MCAT: variants seen among roughly 807,000 people sequenced by gnomAD.
The protein encoded by MCAT is malonyl-CoA-acyl carrier protein transacylase, also known as malonyl-CoA-acyl carrier protein transacylase, mitochondrial.
Under a neutral mutation model 22.9 loss-of-function variants are expected in MCAT, and 22 were observed. The ratio of observed to expected loss-of-function variants is 0.96; its 90% CI spans 0.69 to 1.37. The LOEUF (loss-of-function observed/expected upper bound fraction) is 1.37. Among genes scored for constraint, MCAT ranks in the 40% most tolerant of loss-of-function variants. The pLI, the probability that MCAT is intolerant of heterozygous loss-of-function variation, is 0.00. For missense variants in MCAT, 534 were observed against 533.6 expected (o/e 1.00, Z -0.01); for synonymous variants, 240 against 233.9 (o/e 1.03, Z -0.24).
chr22:43,132,752 A>C lies in MCAT; in HGVS notation c.*291T>G. ...TCCCGCTGAGATGGCACACCTGCCT[A>C]TGGTGCAGGGCTGGCAGAGGCGGGG... On this transcript the variant is annotated 3_prime_UTR_variant, in exon 4 of 4. Coordinates refer to ENST00000290429, the MANE Select transcript of MCAT (RefSeq NM_173467.5). 2.5e-6 allele frequency: 1 copy of C among 398,514 alleles called. No individual in the cohort carries two copies. Among genetic ancestry groups the C allele is most frequent in the Non-Finnish European group, 4.6e-6 (1 of 216,156 alleles). 24.7% of individuals were successfully genotyped at this position (398,514 alleles called of 1,614,324 possible).
intron 2 of MCAT, chr22:43,140,933 T>C: frequency 1.8e-6 from 1 of 561,448 alleles, no homozygotes; most frequent in Non-Finnish European, 3.2e-6. Flanking sequence ...GGTTAGACAG[T>C]TCAGCAAGCA....
In MCAT at chr22:43,133,077, T is replaced by G. The variant is rs1930493857; in HGVS notation, c.1139A>C (p.His380Pro). Reference protein sequence around the residue: ...SAVDVLQTLEHVDLDPQEPPR With the variant: ...SAVDVLQTLEPVDLDPQEPPR ...GGGCTCCTGAGGGTCCAGGTCCACA[T>G]GTTCGAGGGTCTGCAGCACATCCAC... Residue 380 changes from histidine (H) to proline (P), a missense_variant, in exon 4 of 4, where the codon CAT becomes CCT. His to Pro is a moderately conservative substitution (Grantham distance 77). Coordinates refer to ENST00000290429, the MANE Select transcript of MCAT (RefSeq NM_173467.5). 1.2e-6 allele frequency: 2 copies of G among 1,613,928 alleles called. No homozygotes were observed.
intron 3 of MCAT, among the ~76,000 whole-genome samples, chr22:43,135,517 A>C (rs551649803): frequency 0.013 from 2,009 of 150,650 alleles, 65 homozygotes; most frequent in African/African-American, 0.048. Context: ...AAACAAAAAA[A>C]AAAAAAAAAA....
intron 3 of MCAT, among the ~76,000 whole-genome samples, chr22:43,136,241 C>G (rs1930606825): frequency 6.6e-6 from 1 of 152,202 alleles, no homozygotes. Flanking sequence ...GAGACCCTGT[C>G]TCAAACAAAC....
At chr22:43,136,416 G>T (rs1347971553) in intron 3 of MCAT, among the ~76,000 whole-genome samples, 1 of 152,214 alleles carries the variant, frequency 6.6e-6, no homozygotes, top group Non-Finnish European at 1.5e-5. Context: ...TGCTCTTTCT[G>T]TAGGGGGCTC....
chr22:43,139,679 G>A (rs1305041286), intron 2 of MCAT, among the ~76,000 whole-genome samples: 1 of 149,746 alleles, frequency 6.7e-6, no homozygotes, highest in East Asian at 2.0e-4. Flanking sequence ...CCTGGTTCAA[G>A]TGATTCTTGT....
At position 43,133,425 on chromosome 22, in the gene MCAT, G is replaced by A. The variant is rs750264582; in HGVS notation, c.791C>T (p.Pro264Leu). The change falls in exon 4 of 4, where the codon CCG becomes CTG. Residue 264 changes from proline to leucine, a missense_variant. Pro to Leu is a moderately conservative substitution (Grantham distance 98, BLOSUM62 -3). Coordinates refer to ENST00000290429, the MANE Select transcript of MCAT (RefSeq NM_173467.5). ...GCGGGTGTGGAATGCGCCACTAACC[G>A]GCAACATCCTGGTGCGTCTGAAATG... is the stretch of plus-strand genomic sequence containing the variant. ...KFHFRRTRML[P>L]VSGAFHTRLM... 2.2e-5 allele frequency: 36 copies of A among 1,613,926 alleles called. No individual in the cohort carries two copies. The highest frequency in any genetic ancestry group is 1.4e-4 in the South Asian group (13 of 91,076).
chr22:43,133,006 A>G lies in MCAT; in HGVS notation c.*37T>C. On this transcript the variant is annotated 3_prime_UTR_variant, in exon 4 of 4. Transcript: ENST00000290429. ...GCACAGCCTACAGCCTCTCCTCAGGAGGACAGAGGGGGTCATCGCATTTGA... is the reference window on the plus strand; with the variant it reads ...GCACAGCCTACAGCCTCTCCTCAGGGGGACAGAGGGGGTCATCGCATTTGA... The G allele has an allele frequency of 6.3e-7, 1 of 1,577,280 alleles. No homozygotes were observed. The highest frequency in any genetic ancestry group is 8.7e-7 in the Non-Finnish European group (1 of 1,151,748).
rs757779713 is a variant in MCAT at position 43,143,353 on chromosome 22, G to C, written c.-5C>G. The C allele has an allele frequency of 5.1e-6, 7 of 1,363,596 alleles. No individual in the cohort carries two copies. The highest frequency in any genetic ancestry group is 3.8e-5 in the Admixed American group (1 of 26,270). 84.5% of individuals were successfully genotyped at this position (1,363,596 alleles called of 1,614,324 possible). On this transcript the variant is annotated 5_prime_UTR_variant, in exon 1 of 4. Coordinates refer to ENST00000290429, the MANE Select transcript of MCAT (RefSeq NM_173467.5). ...CCGTGCGACCCGGACGCTCATGGTC[G>C]GACACCTGCCCGCGCGCGTTACCGT...
Position 43,137,739 on chromosome 22 carries a change from T to G in MCAT, c.512-441A>C, listed in dbSNP as rs570479639. ...ACCTGGCCCAATAGCGCCACTGTTT[T>G]TTTTTTTTTTTAAATAGTGCCACTA... On this transcript the variant is annotated intron_variant, in intron 2 of 3. Coordinates refer to ENST00000290429, the MANE Select transcript of MCAT (RefSeq NM_173467.5). Among the ~76,000 whole-genome samples, 47 of 151,630 alleles carry G rather than the reference T, an allele frequency of 3.1e-4. No homozygotes were observed. In the South Asian group the frequency reaches 8.1e-3, roughly 26 times the overall value.
intron 1 of MCAT, among the ~76,000 whole-genome samples, chr22:43,142,269 C>G (rs1192735542): frequency 6.6e-6 from 1 of 152,194 alleles, no homozygotes; most frequent in Non-Finnish European, 1.5e-5. Flanking sequence ...TGGCTCATAC[C>G]TGTAATCCTA....
rs1439391156 is a variant in MCAT, at chr22:43,143,048, C to T, written c.301G>A (p.Asp101Asn). Residue 101 changes from aspartate (D) to asparagine (N), a missense_variant, in exon 1 of 4, where the codon GAC becomes AAC. By Grantham distance (23) the Asp-to-Asn change is conservative. Coordinates refer to ENST00000290429, the MANE Select transcript of MCAT (RefSeq NM_173467.5). The stretch of plus-strand genomic sequence containing the variant: ...CCGTGCAGGCTCAGTTCCAGCAGGT[C>T]GTAGCCCAGCACGCGGCGGGCGGCG... ...YAAARRVLGYDLLELSLHGPQ... is the reference protein window; with the variant it reads ...YAAARRVLGYNLLELSLHGPQ... The T allele has an allele frequency of 6.2e-7, 1 of 1,610,370 alleles. No individual in the cohort carries two copies. Among genetic ancestry groups the T allele is most frequent in the Non-Finnish European group, 8.5e-7 (1 of 1,179,238 alleles).
chr22:43,138,979 TAAAC>T (rs1930695439), intron 2 of MCAT, among the ~76,000 whole-genome samples: 1 of 152,056 alleles, frequency 6.6e-6, no homozygotes, highest in Non-Finnish European at 1.5e-5. Context: ...GACAAATACA[TAAAC>T]AGCCTGTGAC....
At chr22:43,136,349 C>A (rs1394328438) in intron 3 of MCAT, among the ~76,000 whole-genome samples, 1 of 152,286 alleles carries the variant, frequency 6.6e-6, no homozygotes, top group Non-Finnish European at 1.5e-5. Flanking sequence ...CAGCCCCTCA[C>A]ACGGGCTGCA....
rs368993438 is a variant in MCAT at position 43,143,060 on chromosome 22, C to T, written c.289G>A (p.Val97Met). The change falls in exon 1 of 4, where the codon GTG (valine) becomes ATG (methionine). Residue 97 changes from valine to methionine, a missense_variant. Physicochemically the swap from Val to Met is conservative, Grantham distance 21 (BLOSUM62 1). Coordinates refer to ENST00000290429, the MANE Select transcript of MCAT (RefSeq NM_173467.5). ...AGTTCCAGCAGGTCGTAGCCCAGCA[C>T]GCGGCGGGCGGCGGCGTAGAGTTCG... ...VRELYAAARR[V>M]LGYDLLELSL... 2 of 1,609,862 alleles carry T rather than the reference C, an allele frequency of 1.2e-6. No individual in the cohort carries two copies. The highest frequency in any genetic ancestry group is 1.7e-5 in the Admixed American group (1 of 59,828).
intron 1 of MCAT, 37 bp from the exon 2 acceptor site, chr22:43,141,286 C>T (rs774589738): frequency 5.1e-6 from 8 of 1,556,294 alleles, no homozygotes; most frequent in Admixed American, 1.7e-5. Context: ...CCCTCACTCT[C>T]CTGGGGATCC....
chr22:43,134,460 G>C (rs975425173), intron 3 of MCAT, among the ~76,000 whole-genome samples: 2 of 152,158 alleles, frequency 1.3e-5, no homozygotes, highest in Admixed American at 1.3e-4. Flanking sequence ...CAATGCTCCT[G>C]CCTCAGCCTC....
chr22:43,139,779 C>A (rs1353369260), intron 2 of MCAT, among the ~76,000 whole-genome samples: 1 of 151,906 alleles, frequency 6.6e-6, no homozygotes, highest in Non-Finnish European at 1.5e-5. Context: ...GGTTTTACCA[C>A]GTTGGTCAGG....
intron 2 of MCAT, among the ~76,000 whole-genome samples, chr22:43,139,705 G>A (rs778322367): frequency 6.6e-6 from 1 of 151,026 alleles, no homozygotes; most frequent in Non-Finnish European, 1.5e-5. Flanking sequence ...AGCCTCCCAA[G>A]TAGCTAAGAT....
Sources: allele counts gnomAD v4.1 joint callset (sites outside exome capture counted in the v4.1 genomes callset), GRCh38; gene constraint gnomAD v4.1.1; transcripts MANE v1.5; gene names NCBI Gene and HGNC (gene_info 2026-07-23, HGNC 2026-07-21).